The following CTNNA3 variants were observed in gnomAD, a reference collection of about 807,000 sequenced individuals.
The protein encoded by CTNNA3 is catenin alpha 3.
Under a neutral mutation model 95.7 loss-of-function variants are expected in CTNNA3, and 76 were observed. The observed-to-expected ratio is 0.79, with a 90% CI of 0.66 to 0.96. CTNNA3 has a LOEUF of 0.96. Among genes scored for constraint, CTNNA3 ranks in the 40% least tolerant of loss-of-function variants. The pLI, the probability that CTNNA3 is intolerant of heterozygous loss-of-function variation, is 0.00. For missense variants in CTNNA3, 1,191 were observed against 1,089.8 expected, an observed-to-expected ratio of 1.09 and a Z score of -1.31; for synonymous variants, 431 against 374.4, an observed-to-expected ratio of 1.15 and a Z score of -1.74.
At chr10:67,478,188 T>C (rs1025134188) in intron 5 of CTNNA3, among the ~76,000 whole-genome samples, 1 of 152,206 alleles carries the variant, frequency 6.6e-6, no homozygotes, top group African/African-American at 2.4e-5. Context: ...GGGAATTATG[T>C]AAAGTGACCA....
chr10:66,529,067 C>T (rs1841367894), intron 10 of CTNNA3, among the ~76,000 whole-genome samples: 1 of 151,924 alleles, frequency 6.6e-6, no homozygotes, highest in Admixed American at 6.6e-5. Context: ...TTAAGGCCCT[C>T]AAAACTCTGT....
chr10:67,625,724 C>G (rs1022743251), intron 2 of CTNNA3, among the ~76,000 whole-genome samples: 20 of 149,538 alleles, frequency 1.3e-4, no homozygotes, highest in African/African-American at 3.8e-4. Flanking sequence ...CACTCAATTG[C>G]CTGCTTTGGA....
intron 7 of CTNNA3, among the ~76,000 whole-genome samples, chr10:66,897,855 C>A (rs1252514667): frequency 2.6e-5 from 4 of 152,052 alleles, no homozygotes; most frequent in African/African-American, 9.7e-5. Flanking sequence ...TCAGAAAAGA[C>A]CTAGAAACAG....
chr10:66,547,276 G>A (rs1842063034), intron 10 of CTNNA3, among the ~76,000 whole-genome samples: 1 of 149,928 alleles, frequency 6.7e-6, no homozygotes, highest in Non-Finnish European at 1.5e-5. Flanking sequence ...TGGATAGACA[G>A]CACTAATGAT....
chr10:66,501,138 T>G (rs1840264559), intron 11 of CTNNA3, among the ~76,000 whole-genome samples: 1 of 152,162 alleles, frequency 6.6e-6, no homozygotes, highest in Admixed American at 6.6e-5. Context: ...TTTTACAAAC[T>G]TATGAAGAAC....
chr10:66,173,313 C>A (rs2085527847), intron 13 of CTNNA3, among the ~76,000 whole-genome samples: 1 of 151,942 alleles, frequency 6.6e-6, no homozygotes, highest in African/African-American at 2.4e-5. Context: ...GATATAAAAG[C>A]CAATTGACAA....
At position 66,729,003 on chromosome 10, in the gene CTNNA3, A is replaced by C. The variant is rs548212557; in HGVS notation, c.1281+37261T>G. Among the ~76,000 whole-genome samples the C allele has an allele frequency of 2.0e-3, 304 of 152,316 alleles. 2 individuals carry two copies. Among genetic ancestry groups the C allele is most frequent in the Middle Eastern group, 0.014 (4 of 294 alleles). ...CACTCTCAGCATGATTTATTAAATA[A>C]GGAGTCCTTTCCCCATTACTTGTTT... On this transcript the variant is annotated intron_variant, in intron 9 of 17. Transcript: ENST00000433211.
chr10:66,460,540 C>A (rs1346242166), intron 11 of CTNNA3, among the ~76,000 whole-genome samples: 2 of 152,072 alleles, frequency 1.3e-5, no homozygotes, highest in African/African-American at 4.8e-5. Flanking sequence ...CCCCTGCCCT[C>A]CTACCCCTCC....
intron 1 of CTNNA3, among the ~76,000 whole-genome samples, chr10:67,762,096 C>T (rs143693997): frequency 3.4e-5 from 5 of 149,014 alleles, no homozygotes; most frequent in African/African-American, 1.2e-4. Context: ...GCCAAAAGAA[C>T]TCATTTGGAT....
intron 11 of CTNNA3, among the ~76,000 whole-genome samples, chr10:66,468,810 C>T (rs991077534): frequency 6.6e-6 from 1 of 151,750 alleles, no homozygotes. Flanking sequence ...ACGCCACAGT[C>T]CAGAGATAAT....
intron 15 of CTNNA3, among the ~76,000 whole-genome samples, chr10:66,062,623 G>A (rs1337353035): frequency 1.3e-5 from 2 of 152,134 alleles, no homozygotes; most frequent in Non-Finnish European, 2.9e-5. Context: ...TAAAACAATT[G>A]GAGATTTATC....
chr10:67,761,606 C>T (rs1043655648), intron 1 of CTNNA3, among the ~76,000 whole-genome samples: 2 of 152,068 alleles, frequency 1.3e-5, no homozygotes, highest in African/African-American at 4.8e-5. Context: ...GAGCCGGGCG[C>T]GGTGGTTCAC....
intron 16 of CTNNA3, among the ~76,000 whole-genome samples, chr10:65,967,929 T>C (rs1346483903): frequency 6.6e-6 from 1 of 152,060 alleles, no homozygotes; most frequent in Non-Finnish European, 1.5e-5. Context: ...AACCTAAATG[T>C]CCCAAAATAA....
At chr10:66,490,643 A>G (rs931432398) in intron 11 of CTNNA3, among the ~76,000 whole-genome samples, 1 of 152,158 alleles carries the variant, frequency 6.6e-6, no homozygotes, top group African/African-American at 2.4e-5. Flanking sequence ...GCAGTTCTCA[A>G]ATGTGTCAGT....
intron 7 of CTNNA3, among the ~76,000 whole-genome samples, chr10:67,129,078 C>T (rs118044770): frequency 0.014 from 2,176 of 152,078 alleles, 21 homozygotes; most frequent in Non-Finnish European, 0.023. Flanking sequence ...CATTTGAAAC[C>T]CTTTGATAAA....
chr10:67,313,898 A>T (rs1840930866), intron 5 of CTNNA3, among the ~76,000 whole-genome samples: 1 of 152,236 alleles, frequency 6.6e-6, no homozygotes, highest in African/African-American at 2.4e-5. Context: ...TATATTAGAC[A>T]TGCTGACTTG....
At chr10:66,800,929 A>T (rs1841404901) in intron 7 of CTNNA3, among the ~76,000 whole-genome samples, 2 of 151,394 alleles carry the variant, frequency 1.3e-5, no homozygotes, top group Non-Finnish European at 3.0e-5. Flanking sequence ...AGTCTTATTT[A>T]TGAAAACAGA....
chr10:66,769,731 A>T (rs1429601221), intron 8 of CTNNA3, among the ~76,000 whole-genome samples: 4 of 152,244 alleles, frequency 2.6e-5, no homozygotes, highest in Non-Finnish European at 5.9e-5. Flanking sequence ...GATAGAAACT[A>T]CTGCATAAAA....
At chr10:66,375,589 C>CAAA (rs35007442) in intron 12 of CTNNA3, among the ~76,000 whole-genome samples, 4 of 139,070 alleles carry the variant, frequency 2.9e-5, no homozygotes, top group South Asian at 4.4e-4. Flanking sequence ...GCTGCAATGC[C>CAAA]AAAAAAAAAA....
Sources: allele counts gnomAD v4.1 joint callset (sites outside exome capture counted in the v4.1 genomes callset), GRCh38; gene constraint gnomAD v4.1.1; transcripts MANE v1.5; gene names NCBI Gene and HGNC (gene_info 2026-07-23, HGNC 2026-07-21).